The following B3GLCT variants were observed in gnomAD, a reference collection of about 807,000 sequenced individuals.
B3GLCT encodes the protein beta 3-glucosyltransferase.
B3GLCT carries 65 observed loss-of-function variants against 63.4 expected under a neutral mutation model. The ratio of observed to expected loss-of-function variants is 1.03; its 90% confidence interval spans 0.84 to 1.26. B3GLCT has a LOEUF of 1.26. B3GLCT is among the 50% of genes most tolerant of loss of function. B3GLCT has a pLI of 0.00. For synonymous variants in B3GLCT, 233 were observed against 219.2 expected, an observed-to-expected ratio of 1.06 and a Z score of -0.55; for missense variants, 577 against 604.8, an observed-to-expected ratio of 0.95 and a Z score of 0.48.
At chr13:31,200,302 C>A (rs1868577520) in intron 1 of B3GLCT, 148 bp downstream of exon 1, 1 of 276,202 alleles carries the variant, frequency 3.6e-6, no homozygotes, top group Admixed American at 6.5e-5. Flanking sequence ...GTCCCCGCCG[C>A]GCCGCGCCGT....
At chr13:31,316,407 T>TATATATA (rs1555255282) in intron 12 of B3GLCT, among the ~76,000 whole-genome samples, 3 of 40,864 alleles carry the variant, frequency 7.3e-5, no homozygotes, top group Non-Finnish European at 1.1e-4. Flanking sequence ...TTTGGAGGTT[T>TATATATA]TATATATATA....
chr13:31,212,244 C>T (rs931390898), intron 1 of B3GLCT, among the ~76,000 whole-genome samples: 3 of 145,588 alleles, frequency 2.1e-5, no homozygotes, highest in Admixed American at 6.9e-5. Flanking sequence ...GCTGGGATGA[C>T]AGGCATGCTC....
intron 8 of B3GLCT, among the ~76,000 whole-genome samples, chr13:31,270,217 C>A (rs570200448): frequency 9.9e-5 from 15 of 152,168 alleles, no homozygotes; most frequent in Non-Finnish European, 2.1e-4. Context: ...ACAGTCTTGC[C>A]TCTCATTCTC....
At chr13:31,296,817 T>C (rs1407675957) in intron 12 of B3GLCT, among the ~76,000 whole-genome samples, 1 of 152,114 alleles carries the variant, frequency 6.6e-6, no homozygotes, top group Non-Finnish European at 1.5e-5. Context: ...TTTTTAAGTA[T>C]ACAGTTTAGT....
chr13:31,320,932 A>G (rs1398148380), intron 13 of B3GLCT, among the ~76,000 whole-genome samples: 4 of 152,208 alleles, frequency 2.6e-5, no homozygotes, highest in Non-Finnish European at 5.9e-5. Context: ...CTTTAGCCCA[A>G]TCTAGCCTCT....
At chr13:31,296,894 C>T (rs1011378925) in intron 12 of B3GLCT, among the ~76,000 whole-genome samples, 3 of 151,966 alleles carry the variant, frequency 2.0e-5, no homozygotes, top group Non-Finnish European at 2.9e-5. Context: ...TAAAACTGAA[C>T]CTCTATATCC....
chr13:31,317,510 T>C (rs1875103190), intron 12 of B3GLCT, 56 bp from the exon 13 acceptor site: 10 of 1,608,518 alleles, frequency 6.2e-6, no homozygotes, highest in African/African-American at 1.3e-5. Flanking sequence ...CATAAACTGT[T>C]CCATAACCAC....
At chr13:31,276,490 C>T (rs1242055036) in intron 9 of B3GLCT, among the ~76,000 whole-genome samples, 1 of 152,088 alleles carries the variant, frequency 6.6e-6, no homozygotes, top group Non-Finnish European at 1.5e-5. Context: ...AGTCCGTGCA[C>T]AGTGTAGCAG....
At chr13:31,323,177 A>G (rs74043320) in intron 13 of B3GLCT, among the ~76,000 whole-genome samples, 1,660 of 152,280 alleles carry the variant, frequency 0.011, 30 homozygotes, top group African/African-American at 0.038. Context: ...TGGAATCAGT[A>G]TTTTTGATTC....
intron 8 of B3GLCT, among the ~76,000 whole-genome samples, chr13:31,273,175 A>G (rs1198622929): frequency 8.6e-5 from 13 of 151,916 alleles, no homozygotes; most frequent in Admixed American, 7.9e-4. Context: ...GCTCACTGCA[A>G]CCTCCATCTC....
chr13:31,203,426 A>AGAGC (rs1435872750), intron 1 of B3GLCT, among the ~76,000 whole-genome samples: 1 of 151,624 alleles, frequency 6.6e-6, no homozygotes, highest in Non-Finnish European at 1.5e-5. Context: ...GGAGGGAGGG[A>AGAGC]GAGCATCTGT....
chr13:31,319,392 A>AAACTACCAGCCTCCTG (rs1426820736), intron 13 of B3GLCT, among the ~76,000 whole-genome samples: 17 of 152,094 alleles, frequency 1.1e-4, no homozygotes, highest in South Asian at 8.3e-4. Context: ...TAAGAGTCAT[A>AAACTACCAGCCTCCTG]AACTCCCAGC....
chr13:31,302,584 G>C (rs1265767106), intron 12 of B3GLCT, among the ~76,000 whole-genome samples: 1 of 97,360 alleles, frequency 1.0e-5, no homozygotes, highest in East Asian at 3.0e-4. Flanking sequence ...CTGGAAAATC[G>C]GGTCACTCCC....
chr13:31,225,533 G>C (rs1409415106), intron 3 of B3GLCT, among the ~76,000 whole-genome samples: 1 of 152,182 alleles, frequency 6.6e-6, no homozygotes, highest in Non-Finnish European at 1.5e-5. Flanking sequence ...ATACTAACCT[G>C]GTTCTTTTCT....
chr13:31,323,342 T>A (rs568377738), intron 13 of B3GLCT, among the ~76,000 whole-genome samples: 3 of 152,368 alleles, frequency 2.0e-5, no homozygotes, highest in African/African-American at 7.2e-5. Context: ...GCCCTATATG[T>A]GGCAGTGGGA....
chr13:31,267,319 A>G (rs1037747622), intron 7 of B3GLCT, among the ~76,000 whole-genome samples: 1 of 152,258 alleles, frequency 6.6e-6, no homozygotes, highest in African/African-American at 2.4e-5. Context: ...AAGCCCGGGT[A>G]TGACTTTTCT....
chr13:31,204,668 A>G (rs1253703513), intron 1 of B3GLCT, among the ~76,000 whole-genome samples: 6 of 152,088 alleles, frequency 3.9e-5, no homozygotes, highest in Non-Finnish European at 8.8e-5. Context: ...GCAGTATGTG[A>G]TATGGCTGCC....
In B3GLCT at chr13:31,255,054, A is replaced by G. The variant is rs562653424; in HGVS notation, c.460-5892A>G. ...CGCTGTCTCAAAAAAAAAAAAAAAA[A>G]GAAAACCCCATCATCTCAAAAGCTC... On this transcript the variant is annotated intron_variant, in intron 6 of 14. Transcript: ENST00000343307. Among the ~76,000 whole-genome samples the G allele has an allele frequency of 5.0e-3, 733 of 145,918 alleles. 3 individuals are homozygous for G. The highest frequency in any genetic ancestry group is 0.017 in the Middle Eastern group (5 of 290).
intron 1 of B3GLCT, among the ~76,000 whole-genome samples, chr13:31,206,583 G>C (rs1868964428): frequency 1.4e-5 from 1 of 70,106 alleles, no homozygotes; most frequent in Non-Finnish European, 2.7e-5. Flanking sequence ...TACTAAAAAT[G>C]CAAAAAAAAA....
Sources: allele counts gnomAD v4.1 joint callset (sites outside exome capture counted in the v4.1 genomes callset), GRCh38; gene constraint gnomAD v4.1.1; transcripts MANE v1.5; gene names NCBI Gene and HGNC (gene_info 2026-07-23, HGNC 2026-07-21).